The following TBCEL variants were observed in gnomAD, a reference collection of about 807,000 sequenced individuals.
TBCEL encodes tubulin folding cofactor E like.
Under a neutral mutation model 44.2 loss-of-function variants are expected in TBCEL, and 15 were observed. The observed-to-expected ratio is 0.34, with a 90% CI of 0.23 to 0.52. TBCEL has a LOEUF of 0.52. Among genes scored for constraint, TBCEL ranks in the 20% least tolerant of loss-of-function variants. The pLI, the probability that TBCEL is intolerant of heterozygous loss-of-function variation, is 0.95. For missense variants in TBCEL, 319 were observed against 506.3 expected, an observed-to-expected ratio of 0.63 and a Z score of 3.55; for synonymous variants, 171 against 185.4, an observed-to-expected ratio of 0.92 and a Z score of 0.63.
At chr11:121,059,936 A>T (rs761896922) in intron 7 of TBCEL, 33 bp from the exon 8 acceptor site, 4 of 1,471,230 alleles carry the variant, frequency 2.7e-6, no homozygotes, top group Admixed American at 3.6e-5. Flanking sequence ...TTAGTATCTT[A>T]AAAAATGTCT....
rs1320380010 is a variant in TBCEL at position 121,051,289 on chromosome 11, C to A, written c.274-2262C>A. On this transcript the variant is annotated intron_variant, in intron 4 of 8. Transcript: ENST00000683345. ...TTGGGAAATCTCCCAGAAATTGTTT[C>A]AAAACCCTTAAATTATCTATTTTTT... 4.0e-5 allele frequency among the ~76,000 whole-genome samples: 6 copies of A among 151,722 alleles called. No individual in the cohort carries two copies. The East Asian group carries it at 7.7e-4, about 20-fold the overall frequency.
At chr11:121,044,827 C>G (rs1362806679) in intron 2 of TBCEL, among the ~76,000 whole-genome samples, 1 of 151,994 alleles carries the variant, frequency 6.6e-6, no homozygotes, top group Non-Finnish European at 1.5e-5. Context: ...AAACTCAGAA[C>G]CAAAAGAGAT....
chr11:121,070,502 A>G (rs1591411547), intron 8 of TBCEL, among the ~76,000 whole-genome samples: 1 of 152,178 alleles, frequency 6.6e-6, no homozygotes, highest in Non-Finnish European at 1.5e-5. Context: ...GCACATATAC[A>G]CCATGGAATA....
chr11:121,065,401 C>G (rs995073778), intron 8 of TBCEL, among the ~76,000 whole-genome samples: 2 of 152,184 alleles, frequency 1.3e-5, no homozygotes, highest in African/African-American at 2.4e-5. Context: ...ATACTCTTAA[C>G]TCATCTCCTC....
At chr11:121,032,754 T>G (rs140119145) in intron 1 of TBCEL, among the ~76,000 whole-genome samples, 1 of 152,148 alleles carries the variant, frequency 6.6e-6, no homozygotes. Context: ...GGACACTTGT[T>G]TATATTTTGA....
intron 8 of TBCEL, among the ~76,000 whole-genome samples, chr11:121,067,510 A>G (rs994037209): frequency 6.6e-6 from 1 of 152,258 alleles, no homozygotes; most frequent in South Asian, 2.1e-4. Context: ...AAACTGAGCA[A>G]TCAGCCATAT....
At chr11:121,034,766 A>G (rs1427911989) in intron 1 of TBCEL, among the ~76,000 whole-genome samples, 1 of 152,228 alleles carries the variant, frequency 6.6e-6, no homozygotes, top group Admixed American at 6.5e-5. Context: ...TGAAAAGATG[A>G]CATGCCAGTA....
chr11:121,074,904 C>G (rs1946005075), intron 8 of TBCEL, among the ~76,000 whole-genome samples: 1 of 151,888 alleles, frequency 6.6e-6, no homozygotes, highest in Admixed American at 6.6e-5. Flanking sequence ...ACAGCAAGAT[C>G]CTGTGTACCC....
At chr11:121,035,701 T>G (rs1242932404) in intron 1 of TBCEL, 2 of 152,166 alleles carry the variant, frequency 1.3e-5, no homozygotes, top group African/African-American at 2.4e-5. Flanking sequence ...TGTAAACAGC[T>G]AAGTAATGAC....
At chr11:121,076,361 T>C (rs374221273) in intron 8 of TBCEL, among the ~76,000 whole-genome samples, 24 of 152,018 alleles carry the variant, frequency 1.6e-4, no homozygotes, top group African/African-American at 4.1e-4. Context: ...AAAATGGTGT[T>C]GTGTATTTTC....
chr11:121,039,126 C>T (rs913003669), intron 2 of TBCEL, among the ~76,000 whole-genome samples: 4 of 152,202 alleles, frequency 2.6e-5, no homozygotes, highest in Non-Finnish European at 5.9e-5. Flanking sequence ...TGACCGCTGT[C>T]ACCTCCACAG....
chr11:121,049,677 A>G (rs1945494963), intron 4 of TBCEL, among the ~76,000 whole-genome samples: 1 of 151,780 alleles, frequency 6.6e-6, no homozygotes, highest in Non-Finnish European at 1.5e-5. Context: ...CTGCACTTCA[A>G]ATTTGTTTCT....
At chr11:121,036,045 A>G (rs1444598246) in intron 1 of TBCEL, 1 of 152,236 alleles carries the variant, frequency 6.6e-6, no homozygotes, top group Non-Finnish European at 1.5e-5. Context: ...TTAGAGCTAC[A>G]GAAAGTATGA....
At chr11:121,040,097 A>G (rs1364884336) in intron 2 of TBCEL, among the ~76,000 whole-genome samples, 4 of 152,176 alleles carry the variant, frequency 2.6e-5, no homozygotes, top group Non-Finnish European at 5.9e-5. Flanking sequence ...ATCAGTTCCC[A>G]ACTATCTACT....
At chr11:121,082,306 C>A (rs1591422752) in intron 8 of TBCEL, among the ~76,000 whole-genome samples, 1 of 152,282 alleles carries the variant, frequency 6.6e-6, no homozygotes, top group Non-Finnish European at 1.5e-5. Context: ...AATCTCTTTG[C>A]AGGTACAGTC....
intron 2 of TBCEL, among the ~76,000 whole-genome samples, chr11:121,038,709 G>T (rs1179104179): frequency 2.0e-5 from 3 of 151,878 alleles, no homozygotes; most frequent in Non-Finnish European, 4.4e-5. Context: ...GACCTCCCCC[G>T]ACCCCCTGCA....
chr11:121,082,887 T>C (rs538817807), intron 8 of TBCEL, among the ~76,000 whole-genome samples: 56 of 152,284 alleles, frequency 3.7e-4, no homozygotes, highest in African/African-American at 1.3e-3. Context: ...CCACTTTAGC[T>C]GTGATCTGGA....
At chr11:121,033,365 C>T (rs940423012) in intron 1 of TBCEL, among the ~76,000 whole-genome samples, 1 of 152,094 alleles carries the variant, frequency 6.6e-6, no homozygotes, top group Non-Finnish European at 1.5e-5. Flanking sequence ...AATATTGGCT[C>T]TATTAGTCCC....
intron 4 of TBCEL, among the ~76,000 whole-genome samples, chr11:121,049,953 G>A (rs1039613636): frequency 1.3e-5 from 2 of 151,708 alleles, no homozygotes; most frequent in Admixed American, 1.3e-4. Context: ...CTCAGTTTGT[G>A]TATTCCTAAG....
Sources: allele counts gnomAD v4.1 joint callset (sites outside exome capture counted in the v4.1 genomes callset), GRCh38; gene constraint gnomAD v4.1.1; transcripts MANE v1.5; gene names NCBI Gene and HGNC (gene_info 2026-07-23, HGNC 2026-07-21).